The following SLC2A2 variants were observed in gnomAD, a reference collection of about 807,000 sequenced individuals.
SLC2A2 encodes the protein solute carrier family 2, facilitated glucose transporter member 2.
Under a neutral mutation model 54.5 loss-of-function variants are expected in SLC2A2, and 36 were observed. The ratio of observed to expected loss-of-function variants is 0.66; its 90% CI spans 0.51 to 0.87. The LOEUF (loss-of-function observed/expected upper bound fraction) is 0.87. SLC2A2 is among the 40% of genes least tolerant of loss of function. The pLI, the probability that SLC2A2 is intolerant of heterozygous loss-of-function variation, is 0.00. For missense variants in SLC2A2, 543 were observed against 624.3 expected, an observed-to-expected ratio of 0.87 and a Z score of 1.39; for synonymous variants, 223 against 219.1, an observed-to-expected ratio of 1.02 and a Z score of -0.16.
Position 170,997,745 on chromosome 3 carries a change from A to T in SLC2A2, c.*158T>A, listed in dbSNP as rs1715147549. On this transcript the variant is annotated 3_prime_UTR_variant, in exon 11 of 11. Coordinates refer to ENST00000314251, the MANE Select transcript of SLC2A2 (RefSeq NM_000340.2). ...AAAAATATATTCTCTAACTTAAAAAAATACTTTTTTGGTAATATTTGATGA... is the reference window on the plus strand; with the variant it reads ...AAAAATATATTCTCTAACTTAAAAATATACTTTTTTGGTAATATTTGATGA... The T allele has an allele frequency of 2.2e-5, 15 of 674,232 alleles. No individual in the cohort carries two copies. The highest frequency in any genetic ancestry group is 3.7e-5 in the South Asian group (2 of 53,462). The allele number at this position is 674,232 out of a possible 1,614,324, so 41.8% of individuals were successfully genotyped here.
intron 1 of SLC2A2, among the ~76,000 whole-genome samples, chr3:171,023,762 CA>C (rs1335764308): frequency 6.6e-6 from 1 of 152,152 alleles, no homozygotes; most frequent in African/African-American, 2.4e-5. Context: ...AAAGAGTAAA[CA>C]GCTTGTCCAA....
At chr3:171,013,364 A>G (rs553071751) in intron 3 of SLC2A2, among the ~76,000 whole-genome samples, 47 of 152,282 alleles carry the variant, frequency 3.1e-4, no homozygotes, top group African/African-American at 9.6e-4. Flanking sequence ...TTAAAGTTCA[A>G]CTGAACATCA....
Position 171,002,217 on chromosome 3 carries a change from T to C in SLC2A2, c.1068+359A>G, listed in dbSNP as rs181755323. On this transcript the variant is annotated intron_variant, in intron 8 of 10. Transcript: ENST00000314251. ...ATCTAAGTAGACCATCCAATATCAA[T>C]AGAAATGACAAGCTGTCAGCTACTC... Among the ~76,000 whole-genome samples the C allele has an allele frequency of 2.6e-5, 4 of 151,994 alleles. No individual in the cohort carries two copies. The East Asian group carries it at 7.8e-4, about 30-fold the overall frequency.
intron 2 of SLC2A2, among the ~76,000 whole-genome samples, chr3:171,016,613 C>T (rs564344476): frequency 2.6e-5 from 4 of 151,230 alleles, no homozygotes; most frequent in African/African-American, 9.8e-5. Flanking sequence ...AAAATCCTTC[C>T]AAATAATCCC....
chr3:171,013,196 G>A (rs1715970449), intron 3 of SLC2A2, among the ~76,000 whole-genome samples: 1 of 151,792 alleles, frequency 6.6e-6, no homozygotes, highest in Non-Finnish European at 1.5e-5. Flanking sequence ...TTTTGTCTGA[G>A]CCCACTTGCT....
intron 9 of SLC2A2, 69 bp from the exon 10 acceptor site, chr3:170,998,465 C>G: frequency 8.0e-7 from 1 of 1,243,570 alleles, no homozygotes; most frequent in Middle Eastern, 1.9e-4. Context: ...AGCTAAGTAG[C>G]CTCTGAGTTC....
In SLC2A2 at chr3:171,014,500, AG is replaced by A. The variant is rs1255595607; in HGVS notation, c.339del (p.Phe114LeufsTer16). 3 of 1,614,204 alleles carry A rather than the reference AG, an allele frequency of 1.9e-6. No individual in the cohort carries two copies. In the South Asian group the frequency reaches 3.3e-5, roughly 18 times the overall value. ...AGTGTGTCCCCAAGCCACCCACCAA[AG>A]AATGATGCAGTCATTCCACCAACTG... ...SFAVGGMTASFFGGWLGDTLG... is the reference protein window; with the variant it reads ...SFAVGGMTASXFGGWLGDTLG... On this transcript the variant is annotated frameshift_variant, in exon 3 of 11. Coordinates refer to ENST00000314251, the MANE Select transcript of SLC2A2 (RefSeq NM_000340.2). LOFTEE classifies it high-confidence loss of function.
At position 170,998,329 on chromosome 3, in the gene SLC2A2, A is replaced by G. The variant is rs966424064; in HGVS notation, c.1238T>C (p.Ile413Thr). 1.9e-6 allele frequency: 3 copies of G among 1,613,780 alleles called. No individual in the cohort carries two copies. Among genetic ancestry groups the G allele is most frequent in the Non-Finnish European group, 2.5e-6 (3 of 1,179,784 alleles). ...AIFLFVSFFE[I>T]GPGPIPWFMV... The stretch of plus-strand genomic sequence containing the variant: ...GAACCAGGGGATCGGGCCTGGCCCA[A>G]TTTCAAAGAAGCTGACAAAGAGGAA... The change falls in exon 10 of 11, where the codon ATT (isoleucine) becomes ACT (threonine). Residue 413 changes from isoleucine to threonine, a missense_variant. Around this residue, in one of 3 missense-constraint regions of SLC2A2, gnomAD observed 117 missense variants for 179.2 expected, o/e 0.65. Coordinates refer to ENST00000314251, the MANE Select transcript of SLC2A2 (RefSeq NM_000340.2).
intron 2 of SLC2A2, among the ~76,000 whole-genome samples, chr3:171,015,255 G>A (rs1405291776): frequency 3.3e-5 from 5 of 152,268 alleles, no homozygotes; most frequent in Non-Finnish European, 5.9e-5. Flanking sequence ...GACTGCTTGA[G>A]CTCAGGAGTT....
rs1215029313 is a variant in SLC2A2, at chr3:171,023,599, A to G, written c.15+3057T>C. Among the ~76,000 whole-genome samples the G allele has an allele frequency of 2.0e-5, 3 of 152,224 alleles. No individual in the cohort carries two copies. The South Asian group carries it at 6.2e-4, about 32-fold the overall frequency. On this transcript the variant is annotated intron_variant, in intron 1 of 10. Transcript: ENST00000314251. ...CTAATGTCCAAGAAGTTGACACAAG[A>G]AGAAGTACATAAGTGCTACTGAAAA...
intron 1 of SLC2A2, among the ~76,000 whole-genome samples, chr3:171,024,745 C>G (rs963784780): frequency 6.6e-6 from 1 of 152,128 alleles, no homozygotes; most frequent in Non-Finnish European, 1.5e-5. Flanking sequence ...TTTCTGTGAG[C>G]ATTTTGGGCA....
At chr3:171,017,793 A>G (rs1716220819) in intron 2 of SLC2A2, among the ~76,000 whole-genome samples, 1 of 152,104 alleles carries the variant, frequency 6.6e-6, no homozygotes, top group Non-Finnish European at 1.5e-5. Context: ...AGAATAACAT[A>G]CCTCTCCCAT....
chr3:171,005,839 A>G, intron 6 of SLC2A2, 104 bp downstream of exon 6: 2 of 1,213,432 alleles, frequency 1.6e-6, no homozygotes, highest in Non-Finnish European at 1.2e-6. Flanking sequence ...GATTTTGCAC[A>G]TTCTTCTTAC....
chr3:170,997,835 G>T lies in SLC2A2; in HGVS notation c.*68C>A. On this transcript the variant is annotated 3_prime_UTR_variant, in exon 11 of 11. Coordinates refer to ENST00000314251, the MANE Select transcript of SLC2A2 (RefSeq NM_000340.2). ...AAGATGTGGATATAAAATGCTCAAG[G>T]AATCATCATTTAAAAACAGACGGTT... 1 of 1,254,066 alleles carries T rather than the reference G, an allele frequency of 8.0e-7. No homozygotes were observed. The allele number at this position is 1,254,066 out of a possible 1,614,324, so 77.7% of individuals were successfully genotyped here.
intron 7 of SLC2A2, among the ~76,000 whole-genome samples, chr3:171,003,319 A>G (rs549629207): frequency 2.1e-4 from 32 of 151,704 alleles, no homozygotes; most frequent in Non-Finnish European, 4.4e-4. Flanking sequence ...ATTTACTACT[A>G]TTCTATTGAT....
In SLC2A2 at chr3:171,013,099, T is replaced by C. The variant is rs146373302; in HGVS notation, c.371+1370A>G. On this transcript the variant is annotated intron_variant, in intron 3 of 10. Transcript: ENST00000314251. ...GTATAAAATATCAGTAGTTGCTAAA[T>C]GATTTGTGCATATTTTAGAACGTAA... 3.8e-3 allele frequency among the ~76,000 whole-genome samples: 580 copies of C among 152,324 alleles called. 6 individuals are homozygous for C. The highest frequency in any genetic ancestry group is 0.013 in the African/African-American group (547 of 41,582).
rs1225325931 is a variant in SLC2A2 at position 170,996,697 on chromosome 3, G to T, written c.*1206C>A. The T allele has an allele frequency of 5.0e-6, 2 of 397,626 alleles. No individual in the cohort carries two copies. The highest frequency in any genetic ancestry group is 8.9e-6 in the Non-Finnish European group (2 of 225,472). The allele number at this position is 397,626 out of a possible 1,614,324, so 24.6% of individuals were successfully genotyped here. A position where few individuals can be genotyped will look rare whatever the true frequency, so the allele number is the denominator to read the frequency against. On this transcript the variant is annotated 3_prime_UTR_variant, in exon 11 of 11. Coordinates refer to ENST00000314251, the MANE Select transcript of SLC2A2 (RefSeq NM_000340.2). ...AAGGCAGATAGATAGTGTACAATGC[G>T]TGTTAGTAATGGCCATAGAATAGTT...
chr3:171,017,105 G>A (rs2108260181), intron 2 of SLC2A2, among the ~76,000 whole-genome samples: 1 of 152,224 alleles, frequency 6.6e-6, no homozygotes, highest in Non-Finnish European at 1.5e-5. Flanking sequence ...GCCAACCTCA[G>A]CCTCCCAAAG....
intron 4 of SLC2A2, 26 bp downstream of exon 4, chr3:171,009,912 GGTGTGTGTGTGTGTGTGTGT>G (rs71176588): frequency 1.4e-4 from 191 of 1,325,670 alleles, no homozygotes; most frequent in Middle Eastern, 6.2e-4. Context: ...GACAAAGGTA[GGTGTGTGTGTGTGTGTGTGT>G]GTGTGTGTGT....
Sources: allele counts gnomAD v4.1 joint callset (sites outside exome capture counted in the v4.1 genomes callset), GRCh38; gene constraint gnomAD v4.1.1; regional missense constraint gnomAD v4.1.1; transcripts MANE v1.5; gene names NCBI Gene and HGNC (gene_info 2026-07-23, HGNC 2026-07-21).